Variants in PDZRN4 observed in about 807,000 individuals in gnomAD.
PDZRN4 encodes PDZ domain-containing RING finger protein 4.
A neutral mutation model predicts 99.0 loss-of-function variants in PDZRN4; 70 were observed. The observed-to-expected ratio is 0.71, with a 90% CI of 0.58 to 0.86. The LOEUF (loss-of-function observed/expected upper bound fraction) is 0.86. Among genes scored for constraint, PDZRN4 ranks in the 40% least tolerant of loss-of-function variants. The probability of loss-of-function intolerance (pLI) is 0.00; values close to 1 mark genes in which losing one functional copy is unlikely to be tolerated. For missense variants in PDZRN4, 1,474 were observed against 1,331.2 expected, an observed-to-expected ratio of 1.11 and a Z score of -1.67; for synonymous variants, 551 against 501.6, an observed-to-expected ratio of 1.10 and a Z score of -1.32.
chr12:41,330,809 T>C (rs551424457), intron 3 of PDZRN4, among the ~76,000 whole-genome samples: 9 of 152,176 alleles, frequency 5.9e-5, no homozygotes, highest in Non-Finnish European at 8.8e-5. Flanking sequence ...TTCTGGAAAA[T>C]AAATGTTGTT....
chr12:41,208,839 T>A (rs944566134), intron 3 of PDZRN4, among the ~76,000 whole-genome samples: 10 of 151,956 alleles, frequency 6.6e-5, no homozygotes, highest in African/African-American at 2.4e-4. Flanking sequence ...TTTGTGCTTT[T>A]TTTCCTTTTC....
intron 3 of PDZRN4, among the ~76,000 whole-genome samples, chr12:41,216,704 G>A (rs1332202209): frequency 1.3e-5 from 2 of 151,900 alleles, no homozygotes; most frequent in South Asian, 2.1e-4. Context: ...GATCTGCTCT[G>A]ATCAATTCAT....
chr12:41,246,851 G>A (rs562580791), intron 3 of PDZRN4, among the ~76,000 whole-genome samples: 33 of 152,130 alleles, frequency 2.2e-4, no homozygotes, highest in Non-Finnish European at 3.7e-4. Context: ...GAAGCTAGAA[G>A]CATTGCTCCA....
At chr12:41,244,699 A>G (rs1301916517) in intron 3 of PDZRN4, among the ~76,000 whole-genome samples, 10 of 124,904 alleles carry the variant, frequency 8.0e-5, no homozygotes, top group South Asian at 5.1e-4. Flanking sequence ...TCTTTTTGAG[A>G]CGGAGTCTCG....
intron 3 of PDZRN4, among the ~76,000 whole-genome samples, chr12:41,414,052 T>G (rs1189628750): frequency 1.3e-5 from 2 of 152,166 alleles, no homozygotes; most frequent in Non-Finnish European, 2.9e-5. Flanking sequence ...AAAAAAAATT[T>G]ATTTCTCCAC....
chr12:41,489,637 A>AAG (rs1937845334), intron 3 of PDZRN4, among the ~76,000 whole-genome samples: 1 of 150,520 alleles, frequency 6.6e-6, no homozygotes, highest in Non-Finnish European at 1.5e-5. Flanking sequence ...AAAGATTTAG[A>AAG]CTTCATAAAG....
intron 3 of PDZRN4, among the ~76,000 whole-genome samples, chr12:41,472,212 A>G (rs1953000159): frequency 6.6e-6 from 1 of 152,136 alleles, no homozygotes; most frequent in Non-Finnish European, 1.5e-5. Flanking sequence ...CATGTTGGTC[A>G]AGCTGGCCTC....
intron 3 of PDZRN4, among the ~76,000 whole-genome samples, chr12:41,284,153 C>G (rs1209355889): frequency 6.6e-6 from 1 of 152,220 alleles, no homozygotes; most frequent in Non-Finnish European, 1.5e-5. Flanking sequence ...TAAGCAACTT[C>G]AGCAATGTCT....
intron 3 of PDZRN4, among the ~76,000 whole-genome samples, chr12:41,210,556 T>C (rs1950881866): frequency 1.3e-5 from 2 of 152,010 alleles, no homozygotes; most frequent in African/African-American, 4.8e-5. Flanking sequence ...TTTGTAGCAA[T>C]TGATGAACAT....
intron 3 of PDZRN4, among the ~76,000 whole-genome samples, chr12:41,472,189 G>C (rs1003327312): frequency 4.6e-5 from 7 of 152,050 alleles, no homozygotes; most frequent in Non-Finnish European, 8.8e-5. Context: ...TTTTAGTAGA[G>C]ATGGGGTTTC....
intron 3 of PDZRN4, among the ~76,000 whole-genome samples, chr12:41,465,163 A>G (rs1207886421): frequency 6.6e-6 from 1 of 152,126 alleles, no homozygotes. Context: ...AGTGAATATG[A>G]ATAGCCAACT....
chr12:41,311,976 A>G (rs1489566864), intron 3 of PDZRN4, among the ~76,000 whole-genome samples: 1 of 152,188 alleles, frequency 6.6e-6, no homozygotes, highest in Non-Finnish European at 1.5e-5. Flanking sequence ...GCTGCCAGTG[A>G]TTTGGCATAG....
chr12:41,402,133 A>ACACACACTGAG (rs1952294704), intron 3 of PDZRN4, among the ~76,000 whole-genome samples: 3 of 85,622 alleles, frequency 3.5e-5, no homozygotes, highest in African/African-American at 1.9e-4. Context: ...ATATATATAT[A>ACACACACTGAG]TATATATACA....
intron 3 of PDZRN4, among the ~76,000 whole-genome samples, chr12:41,263,046 G>T (rs533899459): frequency 3.9e-5 from 6 of 152,066 alleles, no homozygotes; most frequent in Admixed American, 6.5e-5. Context: ...ATTACCTCAT[G>T]CTTAAGGTAA....
intron 3 of PDZRN4, among the ~76,000 whole-genome samples, chr12:41,387,085 A>G (rs1275304752): frequency 6.6e-6 from 1 of 152,180 alleles, no homozygotes; most frequent in Admixed American, 6.5e-5. Context: ...TGAAGACACC[A>G]AAAACAATGG....
At chr12:41,457,424 C>T (rs558391777) in intron 3 of PDZRN4, among the ~76,000 whole-genome samples, 84 of 152,286 alleles carry the variant, frequency 5.5e-4, no homozygotes, top group African/African-American at 1.9e-3. Flanking sequence ...GGAAAAGTTG[C>T]TGGAATTTTA....
chr12:41,357,868 A>G (rs1951938578), intron 3 of PDZRN4, among the ~76,000 whole-genome samples: 1 of 151,934 alleles, frequency 6.6e-6, no homozygotes. Flanking sequence ...CAGTTTTCTA[A>G]CAAGCTGTAT....
intron 5 of PDZRN4, among the ~76,000 whole-genome samples, chr12:41,510,285 C>A (rs1024412704): frequency 6.6e-6 from 1 of 151,956 alleles, no homozygotes; most frequent in Admixed American, 6.6e-5. Flanking sequence ...TTCTAATTTT[C>A]ATTGATAAAC....
At chr12:41,327,132 T>C (rs1363995038) in intron 3 of PDZRN4, among the ~76,000 whole-genome samples, 1 of 152,198 alleles carries the variant, frequency 6.6e-6, no homozygotes, top group African/African-American at 2.4e-5. Flanking sequence ...TGAGTACATA[T>C]TCTCCATTTT....
Sources: allele counts gnomAD v4.1 joint callset (sites outside exome capture counted in the v4.1 genomes callset), GRCh38; gene constraint gnomAD v4.1.1; transcripts MANE v1.5; gene names NCBI Gene and HGNC (gene_info 2026-07-23, HGNC 2026-07-21).